DISP1: variants seen among roughly 807,000 people sequenced by gnomAD.
The protein encoded by DISP1 is dispatched RND transporter family member 1.
DISP1 carries 30 observed loss-of-function variants against 37.3 expected under a neutral mutation model. The observed-to-expected ratio is 0.80, with a 90% confidence interval of 0.60 to 1.09. The LOEUF (loss-of-function observed/expected upper bound fraction) is 1.09, where lower values mean the gene tolerates loss of function less well. Among genes scored for constraint, DISP1 ranks in the 50% least tolerant of loss-of-function variants. The pLI is 0.00. For synonymous variants in DISP1, 634 were observed against 690.2 expected (o/e 0.92, Z 1.28); for missense variants, 1,598 against 1,879.5 (o/e 0.85, Z 2.77).
intron 1 of DISP1, among the ~76,000 whole-genome samples, chr1:222,878,892 A>T (rs1004437975): frequency 6.6e-6 from 1 of 152,134 alleles, no homozygotes; most frequent in Admixed American, 6.6e-5. Flanking sequence ...ATTTCAGTAA[A>T]CCTGAGGTCT....
intron 3 of DISP1, among the ~76,000 whole-genome samples, chr1:222,947,997 C>T (rs185814563): frequency 2.0e-5 from 3 of 152,192 alleles, no homozygotes; most frequent in East Asian, 1.9e-4. Flanking sequence ...GATTGGATAT[C>T]GGAGGGGCAA....
At chr1:222,891,454 A>G (rs1670937300) in intron 1 of DISP1, among the ~76,000 whole-genome samples, 3 of 152,168 alleles carry the variant, frequency 2.0e-5, no homozygotes, top group South Asian at 2.1e-4. Context: ...GAAGTAAACT[A>G]TATTATAGGT....
intron 1 of DISP1, among the ~76,000 whole-genome samples, chr1:222,891,021 G>A (rs889930268): frequency 2.0e-5 from 3 of 152,052 alleles, no homozygotes; most frequent in Admixed American, 2.0e-4. Flanking sequence ...GTCACATTCT[G>A]AGGTACTGAG....
intron 1 of DISP1, among the ~76,000 whole-genome samples, chr1:222,911,286 A>G (rs1672194907): frequency 6.6e-6 from 1 of 152,188 alleles, no homozygotes. Context: ...ATATCATAGC[A>G]TCAGAGAGAA....
intron 3 of DISP1, among the ~76,000 whole-genome samples, chr1:222,959,378 A>G (rs1458259271): frequency 6.6e-6 from 1 of 152,166 alleles, no homozygotes; most frequent in African/African-American, 2.4e-5. Context: ...TGTCATTTTC[A>G]TTTTATAGAT....
At chr1:222,847,507 A>T (rs1475494564) in intron 1 of DISP1, among the ~76,000 whole-genome samples, 1 of 152,240 alleles carries the variant, frequency 6.6e-6, no homozygotes, top group East Asian at 1.9e-4. Flanking sequence ...TAGATAGTAC[A>T]CATATATCCA....
intron 1 of DISP1, among the ~76,000 whole-genome samples, chr1:222,836,027 G>T (rs1168084488): frequency 6.6e-6 from 1 of 151,788 alleles, no homozygotes; most frequent in Non-Finnish European, 1.5e-5. Context: ...TAAGATAGTA[G>T]TAGCAAATAG....
chr1:222,936,862 T>TTATATATCATATATATGATATATAATTTA (rs1673883848), intron 2 of DISP1, among the ~76,000 whole-genome samples: 1 of 83,990 alleles, frequency 1.2e-5, no homozygotes, highest in African/African-American at 4.9e-5. Context: ...GATATATAAT[T>TTATATATCATATATATGATATATAATTTA]TATATATCAT....
At chr1:222,977,436 TA>T (rs1470171223) in intron 3 of DISP1, among the ~76,000 whole-genome samples, 6 of 149,578 alleles carry the variant, frequency 4.0e-5, no homozygotes, top group African/African-American at 1.5e-4. Context: ...TAATTACAAA[TA>T]TTTTTTGTCT....
At chr1:222,952,804 G>T (rs530119696) in intron 3 of DISP1, among the ~76,000 whole-genome samples, 2 of 152,118 alleles carry the variant, frequency 1.3e-5, no homozygotes, top group African/African-American at 4.8e-5. Context: ...CCGAGATCGC[G>T]CCACTGCACT....
chr1:222,826,555 G>A (rs747471663), intron 1 of DISP1, among the ~76,000 whole-genome samples: 25 of 150,898 alleles, frequency 1.7e-4, no homozygotes, highest in Admixed American at 2.6e-4. Flanking sequence ...TAATTTTTTT[G>A]TTTTTTAACT....
At chr1:222,823,622 T>C (rs1420202953) in intron 1 of DISP1, among the ~76,000 whole-genome samples, 1 of 152,152 alleles carries the variant, frequency 6.6e-6, no homozygotes, top group Non-Finnish European at 1.5e-5. Context: ...CATTACACAA[T>C]ATATCCATGT....
intron 2 of DISP1, among the ~76,000 whole-genome samples, chr1:222,929,865 T>A (rs1290154727): frequency 6.6e-6 from 1 of 152,140 alleles, no homozygotes; most frequent in Non-Finnish European, 1.5e-5. Flanking sequence ...ATTTAGGACT[T>A]TTTAGTATTA....
chr1:222,863,294 G>A (rs1379602058), intron 1 of DISP1, among the ~76,000 whole-genome samples: 1 of 152,130 alleles, frequency 6.6e-6, no homozygotes, highest in East Asian at 1.9e-4. Context: ...GCTGAGGTGG[G>A]CAGATTGCTT....
chr1:222,943,478 C>A, intron 3 of DISP1, 146 bp downstream of exon 3: 1 of 1,099,688 alleles, frequency 9.1e-7, no homozygotes, highest in Non-Finnish European at 1.3e-6. Flanking sequence ...TGTGTGAAGC[C>A]AACAAAAACG....
At position 222,893,544 on chromosome 1, in the gene DISP1, A is replaced by G. The variant is rs1671059218; in HGVS notation, c.-158-34886A>G. Among the ~76,000 whole-genome samples, 1 of 152,226 alleles carries G rather than the reference A, an allele frequency of 6.6e-6. No individual in the cohort carries two copies. The highest frequency in any genetic ancestry group is 2.4e-5 in the African/African-American group (1 of 41,468). On this transcript the variant is annotated intron_variant, in intron 1 of 8. Coordinates refer to ENST00000675850, the MANE Select transcript of DISP1 (RefSeq NM_001377229.1). The surrounding 1 kb of genome is among the most constrained non-coding windows in gnomAD (Gnocchi z 4.3). ...GGCTGCTGTGCACAGACAGCTAGGC[A>G]CATCAGCTGCTGTGGCAGGGCGGGC...
intron 1 of DISP1, among the ~76,000 whole-genome samples, chr1:222,873,623 CT>C (rs1314618664): frequency 2.0e-5 from 3 of 152,108 alleles, no homozygotes; most frequent in African/African-American, 7.2e-5. Flanking sequence ...TTTCCATTTG[CT>C]TGGTAGATCT....
In DISP1 at chr1:223,005,944, G is replaced by C; in HGVS notation, c.4547G>C (p.Gly1516Ala). Residue 1516 changes from glycine (G) to alanine (A), a missense_variant, in exon 9 of 9, where the codon GGT (glycine) becomes GCT (alanine). Gly to Ala is a moderately conservative substitution (Grantham distance 60). Transcript: ENST00000675850. ...PAVLTHSELS[G>A]ESLLIKTL ...GTATTAACACACTCGGAACTTTCTG[G>C]TGAAAGTTTGTTAATAAAAACACTA... The C allele has an allele frequency of 6.2e-7, 1 of 1,613,870 alleles. No individual in the cohort carries two copies. Among genetic ancestry groups the C allele is most frequent in the Non-Finnish European group, 8.5e-7 (1 of 1,179,988 alleles).
chr1:222,825,686 A>G (rs1664196056), intron 1 of DISP1, among the ~76,000 whole-genome samples: 1 of 151,998 alleles, frequency 6.6e-6, no homozygotes, highest in South Asian at 2.1e-4. Flanking sequence ...TATATTTGGT[A>G]GAGACGGGGT....
Sources: allele counts gnomAD v4.1 joint callset (sites outside exome capture counted in the v4.1 genomes callset), GRCh38; gene constraint gnomAD v4.1.1; non-coding constraint Gnocchi (gnomAD v3.1); transcripts MANE v1.5; gene names NCBI Gene and HGNC (gene_info 2026-07-23, HGNC 2026-07-21).